The following ALPK1 variants were observed in gnomAD, a reference collection of about 807,000 sequenced individuals.
ALPK1 encodes the protein alpha-protein kinase 1.
In ALPK1, 110 loss-of-function variants were observed where a neutral mutation model predicts 120.6. The ratio of observed to expected loss-of-function variants is 0.91; its 90% CI spans 0.78 to 1.07. The LOEUF (loss-of-function observed/expected upper bound fraction) is 1.07, where lower values mean the gene tolerates loss of function less well. ALPK1 is among the 50% of genes least tolerant of loss of function. The pLI is 0.00. For missense variants in ALPK1, 1,498 were observed against 1,483.9 expected (o/e 1.01, Z -0.16); for synonymous variants, 582 against 560.3 (o/e 1.04, Z -0.55).
At chr4:112,336,747 G>A (rs564487028) in intron 2 of ALPK1, among the ~76,000 whole-genome samples, 5 of 152,136 alleles carry the variant, frequency 3.3e-5, no homozygotes, top group African/African-American at 1.2e-4. Flanking sequence ...TGTTATGCTG[G>A]CCTTATAAAA....
chr4:112,406,504 G>A (rs144766252), intron 4 of ALPK1, among the ~76,000 whole-genome samples: 13 of 152,332 alleles, frequency 8.5e-5, no homozygotes, highest in South Asian at 4.1e-4. Context: ...GTAGTTTGAA[G>A]TAAAGGAGAT....
intron 2 of ALPK1, among the ~76,000 whole-genome samples, chr4:112,341,671 G>T (rs1729869552): frequency 6.6e-6 from 1 of 152,198 alleles, no homozygotes; most frequent in African/African-American, 2.4e-5. Context: ...AAGGAGGAGT[G>T]TGGGGTGAAT....
intron 5 of ALPK1, chr4:112,412,475 T>A: frequency 2.2e-6 from 1 of 457,296 alleles, no homozygotes; most frequent in Non-Finnish European, 4.4e-6. Flanking sequence ...ATTTGAGGGT[T>A]TTTTTTCATC....
intron 2 of ALPK1, among the ~76,000 whole-genome samples, chr4:112,329,979 A>C (rs1332656563): frequency 1.3e-5 from 2 of 152,268 alleles, no homozygotes; most frequent in Admixed American, 1.3e-4. Flanking sequence ...ACTTAAGTAC[A>C]TATGAAAAGG....
intron 3 of ALPK1, 110 bp from the exon 4 acceptor site, chr4:112,382,287 CT>C: frequency 1.0e-6 from 1 of 999,344 alleles, no homozygotes; most frequent in Non-Finnish European, 1.4e-6. Flanking sequence ...AAAGGTTTTT[CT>C]CTTTTTTTTT....
At chr4:112,370,245 C>CA (rs1157421543) in intron 2 of ALPK1, among the ~76,000 whole-genome samples, 1 of 152,164 alleles carries the variant, frequency 6.6e-6, no homozygotes, top group Non-Finnish European at 1.5e-5. Context: ...ATTTGTATAT[C>CA]AAAATCACAT....
At chr4:112,410,557 A>C (rs1187422258) in intron 4 of ALPK1, among the ~76,000 whole-genome samples, 1 of 152,218 alleles carries the variant, frequency 6.6e-6, no homozygotes, top group Non-Finnish European at 1.5e-5. Flanking sequence ...AAAATGGGCA[A>C]TACTTACAAT....
At chr4:112,348,157 C>A (rs893098100) in intron 2 of ALPK1, among the ~76,000 whole-genome samples, 9 of 152,212 alleles carry the variant, frequency 5.9e-5, no homozygotes, top group African/African-American at 2.2e-4. Flanking sequence ...TCACATAACT[C>A]TTACAGAAAG....
chr4:112,397,083 C>A (rs1732685408), intron 4 of ALPK1, among the ~76,000 whole-genome samples: 1 of 152,092 alleles, frequency 6.6e-6, no homozygotes, highest in Non-Finnish European at 1.5e-5. Context: ...GGCCCTGTGG[C>A]GTTGTTATCT....
At chr4:112,300,274 A>G (rs1304102847) in intron 1 of ALPK1, among the ~76,000 whole-genome samples, 1 of 152,126 alleles carries the variant, frequency 6.6e-6, no homozygotes, top group African/African-American at 2.4e-5. Context: ...AAATTCAGAA[A>G]TATTCTAAAA....
rs182205408 is a variant in ALPK1, at chr4:112,421,015, T to A, written c.476-2929T>A. ...GCCTGGCTACTTTTTGTATTTTTAG[T>A]AGAGACGGGGTTTCACCATATTGGT... On this transcript the variant is annotated intron_variant, in intron 5 of 15. Transcript: ENST00000650871. Among the ~76,000 whole-genome samples, 9 of 152,244 alleles carry A rather than the reference T, an allele frequency of 5.9e-5. No individual in the cohort carries two copies. The East Asian group carries it at 1.7e-3, about 29-fold the overall frequency.
In ALPK1 at chr4:112,375,861, G is replaced by A. The variant is rs181883105; in HGVS notation, c.-100-1817G>A. 1.0e-3 allele frequency among the ~76,000 whole-genome samples: 154 copies of A among 151,270 alleles called. 1 individual carries two copies. The highest frequency in any genetic ancestry group is 1.7e-3 in the Non-Finnish European group (117 of 67,924). ...TCTCAGCTTAACATTACTAGCTGTT[G>A]ACTTAAAGTGTGAGATGTGTGACTC... On this transcript the variant is annotated intron_variant, in intron 2 of 15. Coordinates refer to ENST00000650871, the MANE Select transcript of ALPK1 (RefSeq NM_025144.4).
chr4:112,367,775 C>A (rs1273556396), intron 2 of ALPK1, among the ~76,000 whole-genome samples: 2 of 152,190 alleles, frequency 1.3e-5, no homozygotes, highest in Non-Finnish European at 2.9e-5. Flanking sequence ...ACCTTTTCTA[C>A]AAATTATTTC....
At chr4:112,310,402 T>C (rs570723438) in intron 1 of ALPK1, among the ~76,000 whole-genome samples, 3 of 152,234 alleles carry the variant, frequency 2.0e-5, no homozygotes, top group Non-Finnish European at 2.9e-5. Flanking sequence ...CCCTGAATAT[T>C]TGCTCCATTT....
At position 112,442,594 on chromosome 4, in the gene ALPK1, TTAAAA is replaced by T. The variant is rs1030910681; in HGVS notation, c.*1390_*1394del. 6 of 151,026 alleles carry T rather than the reference TTAAAA, an allele frequency of 4.0e-5. No homozygotes were observed. Among genetic ancestry groups the T allele is most frequent in the East Asian group, 1.9e-4 (1 of 5,150 alleles). 9.4% of individuals were successfully genotyped at this position (151,026 alleles called of 1,614,324 possible). On this transcript the variant is annotated 3_prime_UTR_variant, in exon 16 of 16. Coordinates refer to ENST00000650871, the MANE Select transcript of ALPK1 (RefSeq NM_025144.4). The stretch of plus-strand genomic sequence containing the variant: ...CAAACCTGCACATGTACCCCTGAAC[TTAAAA>T]TAAAAGTAAAAAAAAAAAATCATTG...
chr4:112,357,728 G>C, intron 2 of ALPK1: 4 of 1,473,978 alleles, frequency 2.7e-6, no homozygotes, highest in Non-Finnish European at 3.8e-6. Context: ...TCCAAGGAGT[G>C]CTTGTCCTCT....
intron 5 of ALPK1, among the ~76,000 whole-genome samples, chr4:112,415,322 T>A (rs13149115): frequency 0.19 from 28,239 of 152,150 alleles, 3,018 homozygotes; most frequent in Non-Finnish European, 0.24. Flanking sequence ...TATTCTTGGC[T>A]AAAGATGACC....
rs143917071 is a variant in ALPK1 at position 112,432,523 on chromosome 4, G to A, written c.2976G>A (p.Leu992=). ...TGGCAGGAGTGAGGCATGATTGGCT[G>A]TTTCAGAGACTAGAGAATACGGGGG... ...KLLAGVRHDW[L]FQRLENTGVF... is the part of the protein sequence containing the mutation. Residue 992 remains leucine (L), a synonymous_variant, in exon 11 of 16, where the codon CTG becomes CTA. Transcript: ENST00000650871. 38 of 1,614,056 alleles carry A rather than the reference G, an allele frequency of 2.4e-5. No individual in the cohort carries two copies. Among genetic ancestry groups the A allele is most frequent in the Non-Finnish European group, 2.5e-6 (3 of 1,180,048 alleles).
chr4:112,399,464 A>T (rs1395972964), intron 4 of ALPK1, among the ~76,000 whole-genome samples: 1 of 152,194 alleles, frequency 6.6e-6, no homozygotes, highest in Non-Finnish European at 1.5e-5. Flanking sequence ...AAAGAGTGGC[A>T]GGTAAAGACG....
Sources: gnomAD v4.1 joint callset for allele counts (sites outside exome capture counted in the v4.1 genomes callset) on GRCh38, gnomAD v4.1.1 for gene constraint, MANE v1.5 for transcripts, NCBI Gene and HGNC (gene_info 2026-07-23, HGNC 2026-07-21) for gene names.